Variants in EME2 observed in about 807,000 individuals in gnomAD.
EME2 encodes essential meiotic structure-specific endonuclease subunit 2.
In EME2, 58 loss-of-function variants were observed where a neutral mutation model predicts 41.9. The observed-to-expected ratio is 1.38, with a 90% CI of 1.12 to 1.72. The LOEUF is 1.72. Among genes scored for constraint, EME2 ranks in the 40% most tolerant of loss-of-function variants. The probability of loss-of-function intolerance (pLI) is 0.00; values close to 1 mark genes in which losing one functional copy is unlikely to be tolerated. For missense variants in EME2, 695 were observed against 541.9 expected (o/e 1.28, Z -2.81); for synonymous variants, 334 against 239.3 (o/e 1.40, Z -3.65).
intron 4 of EME2, 82 bp from the exon 5 acceptor site, chr16:1,775,233 C>G (rs1332136111): frequency 6.3e-7 from 1 of 1,582,454 alleles, no homozygotes; most frequent in African/African-American, 1.3e-5. Context: ...GATCCCACTT[C>G]TCCAGGTGGG....
rs751513995 is a variant in EME2, at chr16:1,775,354, G to A, written c.609G>A (p.Glu203=). The A allele has an allele frequency of 1.2e-5, 20 of 1,611,612 alleles. No homozygotes were observed. Among genetic ancestry groups the A allele is most frequent in the Non-Finnish European group, 1.7e-5 (20 of 1,180,010 alleles). ...TTTCCCGGGGGACACAGCAGCCAGA[G>A]AGCCCGAAGGTGGCCGGTGCCGAGG... The part of the protein sequence containing the change: ...QHVSRGTQQP[E]SPKVAGAEVA... The change falls in exon 5 of 8, where the codon GAG becomes GAA. Residue 203 remains glutamate (E), a synonymous_variant. Coordinates refer to ENST00000568449, the MANE Select transcript of EME2 (RefSeq NM_001257370.2).
rs1278697170 is a variant in EME2, at chr16:1,778,162, A to G, written c.*1924A>G. On this transcript the variant is annotated 3_prime_UTR_variant, in exon 8 of 8. Transcript: ENST00000568449. ...GTCGGTGCCGTAGACGGGAGAGGTCATCTTGATCTCCCAGAAGTGCTGGCC... is the reference window on the plus strand; with the variant it reads ...GTCGGTGCCGTAGACGGGAGAGGTCGTCTTGATCTCCCAGAAGTGCTGGCC... 6.2e-7 allele frequency: 1 copy of G among 1,612,682 alleles called. No homozygotes were observed. Among genetic ancestry groups the G allele is most frequent in the Non-Finnish European group, 8.5e-7 (1 of 1,179,764 alleles).
At position 1,776,231 on chromosome 16, in the gene EME2, G is replaced by A. The variant is rs765150813; in HGVS notation, c.1133G>A (p.Gly378Asp). Residue 378 changes from glycine to aspartate, a missense_variant, in exon 8 of 8, where the codon GGC becomes GAC. Transcript: ENST00000568449. The part of the protein sequence containing the change: ...TANPDLLLDL[G>D]S ...AACCCTGATCTCCTGCTGGACCTGG[G>A]CTCCTGACCACACGTGGGACCACCA... 1.9e-6 allele frequency: 3 copies of A among 1,612,452 alleles called. No individual in the cohort carries two copies. Among genetic ancestry groups the A allele is most frequent in the East Asian group, 4.5e-5 (2 of 44,886 alleles).
In EME2 at chr16:1,773,037, G is replaced by A. The variant is rs776919892; in HGVS notation, c.-191G>A. The A allele has an allele frequency of 1.4e-6, 2 of 1,437,058 alleles. No individual in the cohort carries two copies. Among genetic ancestry groups the A allele is most frequent in the African/African-American group, 1.5e-5 (1 of 66,706 alleles). The allele number at this position is 1,437,058 out of a possible 1,614,324, so 89.0% of individuals were successfully genotyped here. On this transcript the variant is annotated 5_prime_UTR_variant, in exon 1 of 8. Coordinates refer to ENST00000568449, the MANE Select transcript of EME2 (RefSeq NM_001257370.2). Reference sequence around the variant, plus strand: ...CACCGCGTAGAGCTGGGAGTCGCGCGGCCTGTTCAGTTGCTCCCGCAGGGC... The same window carrying A: ...CACCGCGTAGAGCTGGGAGTCGCGCAGCCTGTTCAGTTGCTCCCGCAGGGC...
At position 1,781,249 on chromosome 16, in the gene EME2, A is replaced by T; in HGVS notation, c.*5011A>T. 6.2e-7 allele frequency: 1 copy of T among 1,604,014 alleles called. No individual in the cohort carries two copies. The highest frequency in any genetic ancestry group is 8.5e-7 in the Non-Finnish European group (1 of 1,178,738). On this transcript the variant is annotated 3_prime_UTR_variant, in exon 8 of 8. Transcript: ENST00000568449. ...GTTTGGACTGGTCCTCTAGCCTCAG[A>T]AGCATCTTTTTCTCCGACTGATTCC...
In EME2 at chr16:1,780,983, T is replaced by C. The variant is rs556091374; in HGVS notation, c.*4745T>C. On this transcript the variant is annotated 3_prime_UTR_variant, in exon 8 of 8. Transcript: ENST00000568449. ...CCTGGGCTCAAGTGGTCCTCCAGCTTCAGCCTCCCAAAGTGCTAGGATTAT... is the reference window on the plus strand; with the variant it reads ...CCTGGGCTCAAGTGGTCCTCCAGCTCCAGCCTCCCAAAGTGCTAGGATTAT... 51 of 393,472 alleles carry C rather than the reference T, an allele frequency of 1.3e-4. No homozygotes were observed. The highest frequency in any genetic ancestry group is 1.0e-3 in the African/African-American group (49 of 47,756). 24.4% of individuals were successfully genotyped at this position (393,472 alleles called of 1,614,324 possible).
At position 1,775,653 on chromosome 16, in the gene EME2, G is replaced by A. The variant is rs760190597; in HGVS notation, c.748G>A (p.Val250Ile). The A allele has an allele frequency of 6.0e-5, 97 of 1,612,898 alleles. 1 individual carries two copies. The East Asian group carries it at 6.2e-4, about 10-fold the overall frequency. ...WQELSRHVCA[V>I]TKALAQYPLK... ...GGAGCTGAGTCGGCACGTGTGCGCC[G>A]TTACCAAGGCTCTCGCCCAGTATCC... The change falls in exon 6 of 8, where the codon GTT becomes ATT. Residue 250 changes from valine to isoleucine, a missense_variant. Val to Ile is a conservative substitution (Grantham distance 29). Transcript: ENST00000568449.
In EME2 at chr16:1,776,361, G is replaced by A; in HGVS notation, c.*123G>A. ...CTGGGTGGGTTCTCTGGCTGAGCAG[G>A]TCTGACCTCAGGGGAAGGGTGGGTG... On this transcript the variant is annotated 3_prime_UTR_variant, in exon 8 of 8. Coordinates refer to ENST00000568449, the MANE Select transcript of EME2 (RefSeq NM_001257370.2). 2 of 928,054 alleles carry A rather than the reference G, an allele frequency of 2.2e-6. No homozygotes were observed. Among genetic ancestry groups the A allele is most frequent in the South Asian group, 1.6e-5 (1 of 62,798 alleles). The allele number at this position is 928,054 out of a possible 1,614,324, so 57.5% of individuals were successfully genotyped here. A position where few individuals can be genotyped will look rare whatever the true frequency, so the allele number is the denominator to read the frequency against.
Position 1,776,808 on chromosome 16 carries a change from G to A in EME2, c.*570G>A, listed in dbSNP as rs868653755. The A allele has an allele frequency of 2.0e-5, 10 of 496,266 alleles. No homozygotes were observed. Among genetic ancestry groups the A allele is most frequent in the African/African-American group, 3.9e-5 (2 of 51,514 alleles). The allele number at this position is 496,266 out of a possible 1,614,324, so 30.7% of individuals were successfully genotyped here. ...CATGCAGAGCAAGTTAGGAAAAACC[G>A]AGGCCCTGTGGGAACAGCAACGCGG... On this transcript the variant is annotated 3_prime_UTR_variant, in exon 8 of 8. Coordinates refer to ENST00000568449, the MANE Select transcript of EME2 (RefSeq NM_001257370.2).
Position 1,776,359 on chromosome 16 carries a change from A to C in EME2, c.*121A>C. ...GCCTGGGTGGGTTCTCTGGCTGAGC[A>C]GGTCTGACCTCAGGGGAAGGGTGGG... On this transcript the variant is annotated 3_prime_UTR_variant, in exon 8 of 8. Coordinates refer to ENST00000568449, the MANE Select transcript of EME2 (RefSeq NM_001257370.2). 11 of 888,678 alleles carry C rather than the reference A, an allele frequency of 1.2e-5. No individual in the cohort carries two copies. The highest frequency in any genetic ancestry group is 1.9e-5 in the Non-Finnish European group (11 of 576,292). The allele number at this position is 888,678 out of a possible 1,614,324, so 55.0% of individuals were successfully genotyped here.
rs139910310 is a variant in EME2 at position 1,776,146 on chromosome 16, C to T, written c.1048C>T (p.Arg350Cys). The change falls in exon 8 of 8, where the codon CGT (arginine) becomes TGT (cysteine). Residue 350 changes from arginine to cysteine, a missense_variant. Coordinates refer to ENST00000568449, the MANE Select transcript of EME2 (RefSeq NM_001257370.2). ...TCCTGTGCCGCCCAGTGAAGGCGGG[C>T]GTCCCCGCAGGGTGGGGCCTGACCT... ...DLPVPPSEGG[R>C]PRRVGPDLSR... The T allele has an allele frequency of 1.1e-5, 18 of 1,612,196 alleles. No homozygotes were observed. Among genetic ancestry groups the T allele is most frequent in the African/African-American group, 8.0e-5 (6 of 74,958 alleles).
chr16:1,774,980 G>C (rs765913832), intron 3 of EME2, 61 bp from the exon 4 acceptor site: 11 of 1,336,218 alleles, frequency 8.2e-6, no homozygotes, highest in Middle Eastern at 1.9e-4. Flanking sequence ...GTGGCCTGGT[G>C]GCCCATGGCC....
At position 1,773,697 on chromosome 16, in the gene EME2, G is replaced by A. The variant is rs1280414025; in HGVS notation, c.248-8G>A. 7 of 1,548,408 alleles carry A rather than the reference G, an allele frequency of 4.5e-6. No individual in the cohort carries two copies. Among genetic ancestry groups the A allele is most frequent in the Non-Finnish European group, 6.1e-6 (7 of 1,146,948 alleles). ...AGCAGTGACCGCGCTCCTCTCCCCC[G>A]GTCCCAGCCATCCTGGAAGACGCCG... On this transcript the variant is annotated splice_region_variant and splice_polypyrimidine_tract_variant and intron_variant, in intron 1 of 7. Transcript: ENST00000568449.
chr16:1,773,128 C>T lies in EME2; in HGVS notation c.-100C>T. The stretch of plus-strand genomic sequence containing the variant: ...ACCTTCTTCCGCGCCATGGCGGGTC[C>T]GCGTCCTCAGCGGTCCGGCCGGAAG... On this transcript the variant is annotated 5_prime_UTR_variant, in exon 1 of 8. Coordinates refer to ENST00000568449, the MANE Select transcript of EME2 (RefSeq NM_001257370.2). 1 of 1,390,284 alleles carries T rather than the reference C, an allele frequency of 7.2e-7. No homozygotes were observed. Among genetic ancestry groups the T allele is most frequent in the African/African-American group, 1.5e-5 (1 of 65,618 alleles). The allele number at this position is 1,390,284 out of a possible 1,614,324, so 86.1% of individuals were successfully genotyped here.
chr16:1,778,552 C>T lies in EME2; in HGVS notation c.*2314C>T. On this transcript the variant is annotated 3_prime_UTR_variant, in exon 8 of 8. Coordinates refer to ENST00000568449, the MANE Select transcript of EME2 (RefSeq NM_001257370.2). ...CAGAAGGACTCGCCGGTCACGGGCA[C>T]CGCACTGGGGATGGATGGCGGCAGC... is the stretch of plus-strand genomic sequence containing the variant. 6.2e-7 allele frequency: 1 copy of T among 1,605,350 alleles called. No individual in the cohort carries two copies. Among genetic ancestry groups the T allele is most frequent in the Non-Finnish European group, 8.5e-7 (1 of 1,174,708 alleles).
chr16:1,777,518 C>T lies in EME2; in HGVS notation c.*1280C>T, dbSNP rs528507092. On this transcript the variant is annotated 3_prime_UTR_variant, in exon 8 of 8. Coordinates refer to ENST00000568449, the MANE Select transcript of EME2 (RefSeq NM_001257370.2). ...ACTGGGCGCAGCCCCTCAGACCTCA[C>T]GCTACAGTCACCCGGGTGGGCAGCT... 8.6e-5 allele frequency: 122 copies of T among 1,413,056 alleles called. No individual in the cohort carries two copies. The South Asian group carries it at 1.4e-3, about 17-fold the overall frequency. 87.5% of individuals were successfully genotyped at this position (1,413,056 alleles called of 1,614,324 possible). A position where few individuals can be genotyped will look rare whatever the true frequency, so the allele number is the denominator to read the frequency against.
At position 1,773,408 on chromosome 16, in the gene EME2, G is replaced by T; in HGVS notation, c.181G>T (p.Ala61Ser). 1 of 1,564,984 alleles carries T rather than the reference G, an allele frequency of 6.4e-7. No individual in the cohort carries two copies. Among genetic ancestry groups the T allele is most frequent in the East Asian group, 2.4e-5 (1 of 42,250 alleles). Residue 61 changes from alanine (A) to serine (S), a missense_variant, in exon 1 of 8, where the codon GCC (alanine) becomes TCC (serine). Ala to Ser is a moderately conservative substitution (Grantham distance 99). Transcript: ENST00000568449. ...RDPAGERRAA[A>S]EALRLLRPEQ... ...CCCAGCGGGTGAGCGCAGGGCGGCT[G>T]CCGAGGCGTTGCGGCTGCTGCGGCC...
At chr16:1,774,386 C>T (rs1304146039) in intron 3 of EME2, 34 bp downstream of exon 3, 12 of 1,560,356 alleles carry the variant, frequency 7.7e-6, no homozygotes, top group Admixed American at 5.0e-5. Flanking sequence ...CCTCTCTAAT[C>T]AGGAGGGGTG....
In EME2 at chr16:1,774,352, G is replaced by A. The variant is rs758082850; in HGVS notation, c.477G>A (p.Gln159=). ...TGCAGGGCGTCGCCACACTGACCCA[G>A]GTGCTCGGGTGGTGGCAGTAGTCCC... ...EFLQGVATLT[Q]ISGPTHWVPW... The change falls in exon 3 of 8, where the codon CAG becomes CAA. Residue 159 remains glutamine (Q), a splice_region_variant and synonymous_variant. Transcript: ENST00000568449. 4 of 1,612,124 alleles carry A rather than the reference G, an allele frequency of 2.5e-6. No homozygotes were observed. Among genetic ancestry groups the A allele is most frequent in the East Asian group, 2.2e-5 (1 of 44,896 alleles).
Sources: gnomAD v4.1 joint callset for allele counts on GRCh38, gnomAD v4.1.1 for gene constraint, MANE v1.5 for transcripts, NCBI Gene and HGNC (gene_info 2026-07-23, HGNC 2026-07-21) for gene names.